Variants in ZNF292 observed in about 807,000 individuals in gnomAD.
ZNF292 encodes 16 zinc-finger domain protein.
A neutral mutation model predicts 217.9 loss-of-function variants in ZNF292; 26 were observed. The ratio of observed to expected loss-of-function variants is 0.12; its 90% CI spans 0.09 to 0.17. The LOEUF (loss-of-function observed/expected upper bound fraction) is 0.17. Ranked by LOEUF, ZNF292 falls within the 10% of genes least tolerant of loss-of-function variation. The probability of loss-of-function intolerance (pLI) is 1.00; values close to 1 mark genes in which losing one functional copy is unlikely to be tolerated. For synonymous variants in ZNF292, 1,257 were observed against 1,124.1 expected (o/e 1.12, Z -2.37); for missense variants, 2,904 against 3,175.2 (o/e 0.91, Z 2.05).
At chr6:87,206,654 T>A (rs1413064131) in intron 1 of ZNF292, among the ~76,000 whole-genome samples, 4 of 152,246 alleles carry the variant, frequency 2.6e-5, no homozygotes, top group South Asian at 4.1e-4. Context: ...TTTGTCCCAA[T>A]AATATTCTCT....
intron 1 of ZNF292, among the ~76,000 whole-genome samples, chr6:87,181,689 GT>G (rs145337407): frequency 4.7e-5 from 7 of 147,492 alleles, no homozygotes; most frequent in South Asian, 2.1e-4. Flanking sequence ...TTTTTGTTTT[GT>G]TTTTTTTTTG....
chr6:87,253,778 C>CT (rs1431544591), intron 7 of ZNF292, among the ~76,000 whole-genome samples: 1 of 152,106 alleles, frequency 6.6e-6, no homozygotes, highest in Non-Finnish European at 1.5e-5. Context: ...TCTTTGTTGC[C>CT]TTTTGATCCT....
intron 1 of ZNF292, among the ~76,000 whole-genome samples, chr6:87,174,867 T>C (rs1771230875): frequency 6.6e-6 from 1 of 152,208 alleles, no homozygotes; most frequent in Non-Finnish European, 1.5e-5. Flanking sequence ...ATATACTCAG[T>C]GCTAATGTTT....
At chr6:87,163,657 G>A (rs1052453704) in intron 1 of ZNF292, among the ~76,000 whole-genome samples, 2 of 152,188 alleles carry the variant, frequency 1.3e-5, no homozygotes, top group African/African-American at 2.4e-5. Context: ...AAGGCATCTA[G>A]TGGGGTAGTA....
rs1775153596 is a variant in ZNF292 at position 87,255,396 on chromosome 6, A to G, written c.1767A>G (p.Thr589=). The G allele has an allele frequency of 6.2e-7, 1 of 1,613,830 alleles. No homozygotes were observed. Among genetic ancestry groups the G allele is most frequent in the African/African-American group, 1.3e-5 (1 of 75,062 alleles). The stretch of plus-strand genomic sequence containing the variant: ...AAGAAACTTTTGTCCCTCATGTCAC[A>G]CTGCATGTTAAACAATCTAGTAAAG... The part of the protein sequence containing the change: ...NSKETFVPHV[T]LHVKQSSKER... The change falls in exon 8 of 8, where the codon ACA becomes ACG. Residue 589 remains threonine, a synonymous_variant. Transcript: ENST00000369577.
chr6:87,223,972 A>T (rs76429329), intron 4 of ZNF292: 1 of 152,360 alleles, frequency 6.6e-6, no homozygotes, highest in East Asian at 1.9e-4. Flanking sequence ...TAACACAAAG[A>T]TCATTGTAGC....
chr6:87,185,806 CA>C (rs1771629819), intron 1 of ZNF292, among the ~76,000 whole-genome samples: 1 of 151,988 alleles, frequency 6.6e-6, no homozygotes, highest in African/African-American at 2.4e-5. Context: ...ATTTTTTAAA[CA>C]TTTGCTAATT....
intron 1 of ZNF292, among the ~76,000 whole-genome samples, chr6:87,174,484 G>A (rs923643452): frequency 6.6e-6 from 1 of 152,222 alleles, no homozygotes; most frequent in Non-Finnish European, 1.5e-5. Context: ...GAATATAACA[G>A]CACTGTTGGC....
chr6:87,183,464 A>G (rs893547175), intron 1 of ZNF292, among the ~76,000 whole-genome samples: 1 of 152,174 alleles, frequency 6.6e-6, no homozygotes, highest in Non-Finnish European at 1.5e-5. Flanking sequence ...ATTCTAAAAG[A>G]CACAATCCTG....
chr6:87,254,443 A>G (rs1775097697), intron 7 of ZNF292, among the ~76,000 whole-genome samples: 2 of 152,220 alleles, frequency 1.3e-5, no homozygotes, highest in Admixed American at 6.5e-5. Context: ...TTAGCTTCTA[A>G]TACTTAAACA....
At chr6:87,245,459 C>A (rs764156622) in intron 6 of ZNF292, 44 bp from the exon 7 acceptor site, 1 of 1,397,646 alleles carries the variant, frequency 7.2e-7, no homozygotes, top group Middle Eastern at 2.2e-4. Flanking sequence ...ATGATTATTA[C>A]CTTACTGCTC....
intron 4 of ZNF292, chr6:87,223,589 G>A (rs1181721375): frequency 2.0e-5 from 3 of 152,156 alleles, no homozygotes; most frequent in African/African-American, 7.2e-5. Context: ...TTCTACACAG[G>A]AGATTTGTCT....
At chr6:87,253,192 G>A (rs149527135) in intron 7 of ZNF292, among the ~76,000 whole-genome samples, 1,617 of 142,430 alleles carry the variant, frequency 0.011, 13 homozygotes, top group Non-Finnish European at 0.017. Flanking sequence ...GGGATTACAC[G>A]CATAAACCAT....
At position 87,256,011 on chromosome 6, in the gene ZNF292, T is replaced by C. The variant is rs757928954; in HGVS notation, c.2382T>C (p.Tyr794=). The C allele has an allele frequency of 2.5e-6, 4 of 1,607,170 alleles. No individual in the cohort carries two copies. Among genetic ancestry groups the C allele is most frequent in the Admixed American group, 1.7e-5 (1 of 58,728 alleles). The part of the protein sequence containing the change: ...PKCGRIFSEA[Y]LLYDHEAQHY... ...GTGGAAGAATTTTTTCGGAAGCTTATTTACTATATGATCATGAAGCACAAC... is the reference window on the plus strand; with the variant it reads ...GTGGAAGAATTTTTTCGGAAGCTTACTTACTATATGATCATGAAGCACAAC... The change falls in exon 8 of 8, where the codon TAT becomes TAC. Residue 794 remains tyrosine, a synonymous_variant. Transcript: ENST00000369577.
chr6:87,256,878 A>T lies in ZNF292; in HGVS notation c.3249A>T (p.Ser1083=), dbSNP rs757806993. ...FVPPQSDLSN[S]LGTPSVPPKA... Reference sequence around the variant, plus strand: ...CACCGCAGTCCGACCTAAGTAATTCATTAGGAACTCCATCAGTGCCTCCAA... The same window carrying T: ...CACCGCAGTCCGACCTAAGTAATTCTTTAGGAACTCCATCAGTGCCTCCAA... The change falls in exon 8 of 8, where the codon TCA becomes TCT. Residue 1083 remains serine, a synonymous_variant. Coordinates refer to ENST00000369577, the MANE Select transcript of ZNF292 (RefSeq NM_015021.3). 1 of 1,613,902 alleles carries T rather than the reference A, an allele frequency of 6.2e-7. No homozygotes were observed. Among genetic ancestry groups the T allele is most frequent in the Non-Finnish European group, 8.5e-7 (1 of 1,179,818 alleles).
Position 87,218,695 on chromosome 6 carries a change from A to T in ZNF292, c.502A>T (p.Thr168Ser), listed in dbSNP as rs758351988. Residue 168 changes from threonine to serine, a missense_variant, in exon 4 of 8, where the codon ACT becomes TCT. Around this residue, in one of 15 missense-constraint regions of ZNF292, gnomAD observed 313 missense variants for 451.0 expected, o/e 0.69. Transcript: ENST00000369577. Reference sequence around the variant, plus strand: ...GGTGTGGAAAAACCCGGTACTGTGCACTATTCTTTCCCAGGAACCATTGGA... The same window carrying T: ...GGTGTGGAAAAACCCGGTACTGTGCTCTATTCTTTCCCAGGAACCATTGGA... ...TGVWKNPVLC[T>S]ILSQEPLDKD... 41 of 1,594,782 alleles carry T rather than the reference A, an allele frequency of 2.6e-5. 1 individual carries two copies. Among genetic ancestry groups the T allele is most frequent in the Non-Finnish European group, 4.3e-6 (5 of 1,172,226 alleles).
At chr6:87,225,257 C>G (rs958754797) in intron 4 of ZNF292, among the ~76,000 whole-genome samples, 3 of 152,084 alleles carry the variant, frequency 2.0e-5, no homozygotes, top group Non-Finnish European at 4.4e-5. Flanking sequence ...ATTTTGGGTA[C>G]AAGTTCTTTT....
intron 1 of ZNF292, among the ~76,000 whole-genome samples, chr6:87,185,356 A>G (rs1294289274): frequency 6.6e-6 from 1 of 152,302 alleles, no homozygotes; most frequent in African/African-American, 2.4e-5. Context: ...TTGGATTTCA[A>G]CATTTAGGAT....
intron 4 of ZNF292, among the ~76,000 whole-genome samples, chr6:87,231,867 GGAAACTAAAGCTCTTGATAGCCA>G (rs1282625298): frequency 3.3e-5 from 5 of 152,014 alleles, no homozygotes; most frequent in Non-Finnish European, 7.4e-5. Context: ...TGTTGAATTA[GGAAACTAAAGCTCTTGATAGCCA>G]GAATAACTTT....
Sources: allele counts gnomAD v4.1 joint callset (sites outside exome capture counted in the v4.1 genomes callset), GRCh38; gene constraint gnomAD v4.1.1; regional missense constraint gnomAD v4.1.1; transcripts MANE v1.5; gene names NCBI Gene and HGNC (gene_info 2026-07-23, HGNC 2026-07-21).